TCF7L2: variants seen among roughly 807,000 people sequenced by gnomAD.
TCF7L2 encodes transcription factor 7 like 2.
A neutral mutation model predicts 77.9 loss-of-function variants in TCF7L2; 23 were observed. That is an observed-to-expected ratio of 0.30 (90% confidence interval 0.21 to 0.42). The LOEUF is 0.42. TCF7L2 is among the 10% of genes least tolerant of loss of function. The pLI is 1.00. For synonymous variants in TCF7L2, 413 were observed against 340.2 expected, an observed-to-expected ratio of 1.21 and a Z score of -2.36; for missense variants, 654 against 793.1, an observed-to-expected ratio of 0.82 and a Z score of 2.11.
intron 4 of TCF7L2, among the ~76,000 whole-genome samples, chr10:112,966,048 G>A (rs896062386): frequency 1.3e-5 from 2 of 151,356 alleles, no homozygotes; most frequent in Non-Finnish European, 2.9e-5. Context: ...GGTGGTGGGT[G>A]CCTGTAATCC....
rs370823901 is a variant in TCF7L2, at chr10:112,964,710, AGATAAT to A, written c.450+90_450+95del. 455 of 983,090 alleles carry A rather than the reference AGATAAT, an allele frequency of 4.6e-4. 8 individuals carry two copies. In the African/African-American group the frequency reaches 7.9e-3, roughly 17 times the overall value. The allele number at this position is 983,090 out of a possible 1,614,324, so 60.9% of individuals were successfully genotyped here. A position where few individuals can be genotyped will look rare whatever the true frequency, so the allele number is the denominator to read the frequency against. On this transcript the variant is annotated intron_variant, in intron 4 of 13. Transcript: ENST00000627217. ...TATTCTCCGCCCCTTCCCCCAACTG[AGATAAT>A]GATGATGATGATGATGATGATGATG...
chr10:113,044,135 G>T (rs564160092), intron 5 of TCF7L2, among the ~76,000 whole-genome samples: 8 of 152,276 alleles, frequency 5.3e-5, no homozygotes, highest in Admixed American at 3.9e-4. Flanking sequence ...GAGCATGGAG[G>T]TGTGGGATAA....
chr10:112,982,108 C>T (rs2040577005), intron 4 of TCF7L2, among the ~76,000 whole-genome samples: 1 of 152,204 alleles, frequency 6.6e-6, no homozygotes, highest in African/African-American at 2.4e-5. Context: ...TCCTGGTTCC[C>T]TGCTTTTCTA....
At chr10:113,165,511 A>G (rs1009563809) in intron 13 of TCF7L2, 44 bp from the exon 15 acceptor site, 4 of 1,601,664 alleles carry the variant, frequency 2.5e-6, no homozygotes, top group South Asian at 1.1e-5. Flanking sequence ...CTCCCTTGGC[A>G]TCTGTGCCCT....
At chr10:112,978,505 A>G (rs1354696470) in intron 4 of TCF7L2, among the ~76,000 whole-genome samples, 1 of 150,152 alleles carries the variant, frequency 6.7e-6, no homozygotes, top group East Asian at 2.0e-4. Flanking sequence ...TTGCTCTGTC[A>G]CCCAGGCTAG....
At chr10:113,002,445 T>C (rs1389985548) in intron 4 of TCF7L2, among the ~76,000 whole-genome samples, 1 of 152,150 alleles carries the variant, frequency 6.6e-6, no homozygotes, top group Non-Finnish European at 1.5e-5. Context: ...AAGGATGCTA[T>C]TGAACATCCT....
rs563239140 is a variant in TCF7L2, at chr10:113,165,448, T to C, written c.1392-107T>C. 6 of 1,268,854 alleles carry C rather than the reference T, an allele frequency of 4.7e-6. No individual in the cohort carries two copies. In the African/African-American group the frequency reaches 5.9e-5, roughly 13 times the overall value. 78.6% of individuals were successfully genotyped at this position (1,268,854 alleles called of 1,614,324 possible). On this transcript the variant is annotated intron_variant, in intron 13 of 13. Transcript: ENST00000627217. The stretch of plus-strand genomic sequence containing the variant: ...CTCGGACCACTGGGCGTGCCACCTC[T>C]GTGGGACATCCCTTAGGTGACCTCA...
chr10:113,011,608 C>G (rs988970204), intron 4 of TCF7L2, among the ~76,000 whole-genome samples: 2 of 151,852 alleles, frequency 1.3e-5, no homozygotes, highest in Non-Finnish European at 2.9e-5. Context: ...GTATTACTGT[C>G]GAATTTTACT....
intron 4 of TCF7L2, among the ~76,000 whole-genome samples, chr10:112,999,686 G>A (rs11196187): frequency 0.055 from 8,434 of 152,254 alleles, 240 homozygotes; most frequent in Non-Finnish European, 0.064. Flanking sequence ...TGGGCTAAGG[G>A]TTTGCATGCT....
chr10:113,165,185 G>T (rs913025976), intron 13 of TCF7L2, among the ~76,000 whole-genome samples: 2 of 152,218 alleles, frequency 1.3e-5, no homozygotes, highest in Non-Finnish European at 1.5e-5. Context: ...GAGCTTTTCA[G>T]TTCTTCTCAA....
chr10:112,952,566 G>T (rs2032080948), intron 3 of TCF7L2, among the ~76,000 whole-genome samples: 2 of 152,208 alleles, frequency 1.3e-5, no homozygotes, highest in African/African-American at 4.8e-5. Flanking sequence ...GATGTATGGC[G>T]GGGTCGGCGC....
intron 5 of TCF7L2, among the ~76,000 whole-genome samples, chr10:113,114,299 C>T (rs1460714169): frequency 6.6e-6 from 1 of 152,154 alleles, no homozygotes; most frequent in Non-Finnish European, 1.5e-5. Context: ...GTCTTAAGAA[C>T]TTATTAGCAC....
Position 113,167,559 on chromosome 10 carries a change from T to C in TCF7L2, c.*1587T>C, listed in dbSNP as rs1592560959. ...GTTACTGTTCCGTTTTATGCTCTTA[T>C]TCCAAGTTCATTTTTAATGGTTTGG... is the stretch of plus-strand genomic sequence containing the variant. On this transcript the variant is annotated 3_prime_UTR_variant, in exon 14 of 14. Coordinates refer to ENST00000627217, the MANE Select transcript of TCF7L2 (RefSeq NM_001146274.2). 1 of 210,616 alleles carries C rather than the reference T, an allele frequency of 4.7e-6. No homozygotes were observed. The allele number at this position is 210,616 out of a possible 1,614,324, so 13.0% of individuals were successfully genotyped here.
At chr10:113,160,720 A>T in intron 13 of TCF7L2, 1 of 1,563,306 alleles carries the variant, frequency 6.4e-7, no homozygotes, top group Non-Finnish European at 8.7e-7. Context: ...GCCTTTGGGA[A>T]AATCAAAGCA....
intron 4 of TCF7L2, among the ~76,000 whole-genome samples, chr10:113,016,882 G>T (rs975897942): frequency 6.6e-6 from 1 of 152,156 alleles, no homozygotes; most frequent in African/African-American, 2.4e-5. Flanking sequence ...GAGCACTCTC[G>T]TGTGCCCCTG....
chr10:113,032,182 A>G (rs1469464633), intron 4 of TCF7L2, among the ~76,000 whole-genome samples: 1 of 152,268 alleles, frequency 6.6e-6, no homozygotes, highest in South Asian at 2.1e-4. Context: ...GCCTCAGCCT[A>G]AGGGGCCCAT....
chr10:112,995,865 GCTTCAT>G (rs2043373777), intron 4 of TCF7L2, among the ~76,000 whole-genome samples: 1 of 152,072 alleles, frequency 6.6e-6, no homozygotes, highest in African/African-American at 2.4e-5. Flanking sequence ...TCTGTCTGCA[GCTTCAT>G]CTTCATTGTC....
intron 6 of TCF7L2, among the ~76,000 whole-genome samples, chr10:113,143,304 A>G (rs973001279): frequency 6.6e-6 from 1 of 152,256 alleles, no homozygotes; most frequent in African/African-American, 2.4e-5. Flanking sequence ...TCCAGAATGG[A>G]GTACACAAGC....
intron 5 of TCF7L2, chr10:113,089,599 A>G (rs1227786907): frequency 1.3e-6 from 2 of 1,585,994 alleles, no homozygotes; most frequent in East Asian, 4.5e-5. Context: ...GAAGCCGCCC[A>G]CCCAAAGTTT....
Sources: gnomAD v4.1 joint callset for allele counts (sites outside exome capture counted in the v4.1 genomes callset) on GRCh38, gnomAD v4.1.1 for gene constraint, MANE v1.5 for transcripts, NCBI Gene and HGNC (gene_info 2026-07-23, HGNC 2026-07-21) for gene names.